EYA1: variants seen among roughly 807,000 people sequenced by gnomAD.
EYA1 encodes EYA transcriptional coactivator and phosphatase 1, also known as protein phosphatase EYA1.
In EYA1, 16 loss-of-function variants were observed where a neutral mutation model predicts 82.0. That is an observed-to-expected ratio of 0.20 (90% CI 0.13 to 0.30). The LOEUF is 0.30. Among genes scored for constraint, EYA1 ranks in the 10% least tolerant of loss-of-function variants. The pLI, the probability that EYA1 is intolerant of heterozygous loss-of-function variation, is 1.00. For synonymous variants in EYA1, 261 were observed against 264.4 expected, an observed-to-expected ratio of 0.99 and a Z score of 0.12; for missense variants, 633 against 730.7, an observed-to-expected ratio of 0.87 and a Z score of 1.54.
chr8:71,243,454 G>A (rs1029273938), intron 12 of EYA1, among the ~76,000 whole-genome samples: 7 of 152,066 alleles, frequency 4.6e-5, no homozygotes, highest in African/African-American at 1.7e-4. Flanking sequence ...TCTTCTTGAG[G>A]AAAACACTTT....
chr8:71,354,608 A>C (rs1200059708), intron 3 of EYA1, among the ~76,000 whole-genome samples, 174 bp downstream of exon 3: 1 of 152,222 alleles, frequency 6.6e-6, no homozygotes, highest in Admixed American at 6.5e-5. Context: ...CAATAACTGG[A>C]AACATGAAGC....
At chr8:71,473,026 A>C (rs1295883130) in intron 2 of EYA1, among the ~76,000 whole-genome samples, 1 of 151,950 alleles carries the variant, frequency 6.6e-6, no homozygotes, top group Non-Finnish European at 1.5e-5. Context: ...TGACTTAGAT[A>C]AAAATGAGTC....
In EYA1 at chr8:71,317,656, C is replaced by G; in HGVS notation, c.452G>C (p.Gly151Ala). Residue 151 changes from glycine (G) to alanine (A), a missense_variant, in exon 7 of 18, where the codon GGA becomes GCA. Physicochemically the swap from Gly to Ala is moderately conservative, Grantham distance 60. Coordinates refer to ENST00000340726, the MANE Select transcript of EYA1 (RefSeq NM_000503.6). ...ALWAGIKTEGGLSQSQSPGQT... is the reference protein window; with the variant it reads ...ALWAGIKTEGALSQSQSPGQT... ...TCCAGGTGACTGAGACTGTGACAAT[C>G]CACCTTCAGTCTTGATGCCTGCCCA... 6.2e-7 allele frequency: 1 copy of G among 1,613,992 alleles called. No individual in the cohort carries two copies. The highest frequency in any genetic ancestry group is 2.2e-5 in the East Asian group (1 of 44,872).
In EYA1 at chr8:71,329,311, T is replaced by C. The variant is rs555137747; in HGVS notation, c.202+4786A>G. ...ATACATGAAAAATTATTTTAAACCA[T>C]TCCTTTACTGATACTCTCAATTTTC... On this transcript the variant is annotated intron_variant, in intron 4 of 17. Transcript: ENST00000340726. Among the ~76,000 whole-genome samples the C allele has an allele frequency of 2.6e-5, 4 of 152,306 alleles. No individual in the cohort carries two copies. In the East Asian group the frequency reaches 5.8e-4, roughly 22 times the overall value.
At chr8:71,405,408 C>T (rs1276926211) in intron 2 of EYA1, among the ~76,000 whole-genome samples, 1 of 152,176 alleles carries the variant, frequency 6.6e-6, no homozygotes, top group African/African-American at 2.4e-5. Context: ...AGACTAGACC[C>T]CTTTCTCCTT....
At chr8:71,512,461 AG>A (rs1184952386) in intron 2 of EYA1, among the ~76,000 whole-genome samples, 1 of 152,138 alleles carries the variant, frequency 6.6e-6, no homozygotes, top group Non-Finnish European at 1.5e-5. Flanking sequence ...GAGCAAGCAA[AG>A]CTCTAGGAAG....
intron 10 of EYA1, chr8:71,270,330 T>A (rs1816365844): frequency 6.3e-6 from 1 of 159,068 alleles, no homozygotes; most frequent in South Asian, 1.9e-4. Context: ...TGTTACCTAT[T>A]GAGCTGTTAT....
chr8:71,342,690 T>C lies in EYA1; in HGVS notation c.125-8516A>G, dbSNP rs1331789033. On this transcript the variant is annotated intron_variant, in intron 3 of 17. Transcript: ENST00000340726. The stretch of plus-strand genomic sequence containing the variant: ...AATGTCCATATGTGAAAGAGTTAAA[T>C]ATATATGTGGCCTGTTAATTTCCTC... Among the ~76,000 whole-genome samples the C allele has an allele frequency of 2.6e-5, 4 of 152,196 alleles. No individual in the cohort carries two copies. In the East Asian group the frequency reaches 5.8e-4, roughly 22 times the overall value.
rs181007773 is a variant in EYA1, at chr8:71,394,662, G to T, written c.34-38151C>A. Among the ~76,000 whole-genome samples, 337 of 152,118 alleles carry T rather than the reference G, an allele frequency of 2.2e-3. 1 individual carries two copies. Among genetic ancestry groups the T allele is most frequent in the African/African-American group, 7.6e-3 (317 of 41,504 alleles). On this transcript the variant is annotated intron_variant, in intron 2 of 18. Coordinates refer to the EYA1 transcript ENST00000643681. ...TTCTATTGGTCTATATATCTGTTTTGGTACCAGTACCATGCTGGTTTGGTT... is the reference window on the plus strand; with the variant it reads ...TTCTATTGGTCTATATATCTGTTTTTGTACCAGTACCATGCTGGTTTGGTT...
upstream of EYA1, among the ~76,000 whole-genome samples, chr8:71,363,568 G>A (rs1827567849): frequency 1.3e-5 from 2 of 152,138 alleles, no homozygotes; most frequent in African/African-American, 4.8e-5. Context: ...GTTCATATAT[G>A]CAGCAGAAAT....
rs958156575 is a variant in EYA1, at chr8:71,334,153, C to T, written c.146G>A (p.Ser49Asn). Residue 49 changes from serine (S) to asparagine (N), a missense_variant, in exon 4 of 18, where the codon AGC (serine) becomes AAC (asparagine). By Grantham distance (46) the Ser-to-Asn change is conservative (BLOSUM62 1). Transcript: ENST00000340726. The part of the protein sequence containing the change: ...GTEVKTEPMS[S>N]SETASTTADG... Reference sequence around the variant, plus strand: ...GGCTGTCGTTGAAGCTGTTTCACTGCTGCTCATTGGCTCTGTTTTAACTAC... The same window carrying T: ...GGCTGTCGTTGAAGCTGTTTCACTGTTGCTCATTGGCTCTGTTTTAACTAC... 6 of 1,613,308 alleles carry T rather than the reference C, an allele frequency of 3.7e-6. No individual in the cohort carries two copies. Among genetic ancestry groups the T allele is most frequent in the Non-Finnish European group, 5.1e-6 (6 of 1,179,380 alleles).
chr8:71,222,111 G>T (rs992359193), intron 12 of EYA1, among the ~76,000 whole-genome samples: 3 of 152,092 alleles, frequency 2.0e-5, no homozygotes, highest in Non-Finnish European at 4.4e-5. Context: ...TTCCACTCCT[G>T]CTCTGAAATT....
At chr8:71,386,458 A>T (rs559436501) in intron 2 of EYA1, among the ~76,000 whole-genome samples, 5 of 152,352 alleles carry the variant, frequency 3.3e-5, no homozygotes, top group African/African-American at 1.2e-4. Flanking sequence ...TTCATAAGGA[A>T]GTTTAAATCT....
chr8:71,337,540 A>G (rs922890992), intron 3 of EYA1, among the ~76,000 whole-genome samples: 8 of 152,238 alleles, frequency 5.3e-5, no homozygotes, highest in Admixed American at 1.3e-4. Context: ...CCCTCCACCA[A>G]TGCCTTTGAG....
At chr8:71,269,697 T>G (rs767875189) in intron 11 of EYA1, 43 bp downstream of exon 11, 1 of 1,402,510 alleles carries the variant, frequency 7.1e-7, no homozygotes, top group Non-Finnish European at 1.0e-6. Context: ...TAGAGGTATA[T>G]TTACTCCAAA....
intron 17 of EYA1, among the ~76,000 whole-genome samples, chr8:71,208,260 C>T (rs558278254): frequency 2.0e-5 from 3 of 152,002 alleles, no homozygotes; most frequent in Non-Finnish European, 4.4e-5. Context: ...GGTGAAACCC[C>T]GTCTCTACTA....
At chr8:71,407,046 C>T (rs1394367616) in intron 2 of EYA1, among the ~76,000 whole-genome samples, 4 of 114,370 alleles carry the variant, frequency 3.5e-5, no homozygotes, top group African/African-American at 1.2e-4. Flanking sequence ...CAGACTGCCT[C>T]CTCAAGTGGG....
chr8:71,260,198 A>C (rs193134223), intron 11 of EYA1, among the ~76,000 whole-genome samples: 2 of 151,790 alleles, frequency 1.3e-5, no homozygotes, highest in East Asian at 4.2e-4. Flanking sequence ...ACAGTAAAAC[A>C]AAATAAGTAA....
chr8:71,507,042 A>G (rs913103448), intron 2 of EYA1, among the ~76,000 whole-genome samples: 1 of 152,206 alleles, frequency 6.6e-6, no homozygotes, highest in Non-Finnish European at 1.5e-5. Flanking sequence ...ACTTTAAAAC[A>G]TATAAACTCT....
Sources: allele counts gnomAD v4.1 joint callset (sites outside exome capture counted in the v4.1 genomes callset), GRCh38; gene constraint gnomAD v4.1.1; transcripts MANE v1.5; gene names NCBI Gene and HGNC (gene_info 2026-07-23, HGNC 2026-07-21).